OLFM4: variants seen among roughly 807,000 people sequenced by gnomAD.
OLFM4 encodes olfactomedin-4.
OLFM4 carries 22 observed loss-of-function variants against 25.5 expected under a neutral mutation model. That is an observed-to-expected ratio of 0.86 (90% confidence interval 0.62 to 1.23). The LOEUF (loss-of-function observed/expected upper bound fraction) is 1.23. OLFM4 is among the 50% of genes most tolerant of loss of function. The pLI is 0.00. For missense variants in OLFM4, 594 were observed against 619.4 expected (o/e 0.96, Z 0.44); for synonymous variants, 255 against 237.7 (o/e 1.07, Z -0.67).
rs1438527089 is a variant in OLFM4, at chr13:53,041,503, CA to C, written c.358-400del. On this transcript the variant is annotated intron_variant, in intron 2 of 4. Coordinates refer to ENST00000219022, the MANE Select transcript of OLFM4 (RefSeq NM_006418.5). ...GTGAAAGGAGGGAGAGGAACAACAA[CA>C]AAAAAATCTATTGGGTGCTAGGTTT... Among the ~76,000 whole-genome samples the C allele has an allele frequency of 6.5e-4, 99 of 152,088 alleles. 1 individual carries two copies. Among genetic ancestry groups the C allele is most frequent in the Admixed American group, 6.4e-3 (98 of 15,256 alleles).
intron 4 of OLFM4, among the ~76,000 whole-genome samples, chr13:53,047,092 C>A (rs1021020082): frequency 2.6e-5 from 4 of 152,214 alleles, no homozygotes; most frequent in African/African-American, 9.7e-5. Context: ...GTGTTCTCTT[C>A]CACCAGAAAA....
Position 53,043,122 on chromosome 13 carries a change from C to T in OLFM4, c.588C>T (p.Leu196=), listed in dbSNP as rs1421622927. ...TTCCTTAGATAAGAAATATGACTCT[C>T]TTGGTAGAGAAGCTTGAGACACTAG... The part of the protein sequence containing the change: ...QLEVEIRNMT[L]LVEKLETLDK... Residue 196 remains leucine, a synonymous_variant, in exon 4 of 5, where the codon CTC becomes CTT. Transcript: ENST00000219022. 1 of 1,604,724 alleles carries T rather than the reference C, an allele frequency of 6.2e-7. No homozygotes were observed. The highest frequency in any genetic ancestry group is 8.5e-7 in the Non-Finnish European group (1 of 1,177,040).
At chr13:53,044,970 G>A (rs1441664050) in intron 4 of OLFM4, among the ~76,000 whole-genome samples, 7 of 152,146 alleles carry the variant, frequency 4.6e-5, no homozygotes, top group African/African-American at 7.2e-5. Context: ...TTAGATGAAG[G>A]AATATTCAGG....
chr13:53,051,010 G>T lies in OLFM4; in HGVS notation c.*239G>T, dbSNP rs141948238. On this transcript the variant is annotated 3_prime_UTR_variant, in exon 5 of 5. Transcript: ENST00000219022. ...GTCTGTCTAGGGTGGGATTGTCAGA[G>T]GTCTAGGGGCACTGTGGGCCTAGTG... 4 of 450,354 alleles carry T rather than the reference G, an allele frequency of 8.9e-6. No homozygotes were observed. Among genetic ancestry groups the T allele is most frequent in the Non-Finnish European group, 1.6e-5 (4 of 258,014 alleles). 27.9% of individuals were successfully genotyped at this position (450,354 alleles called of 1,614,324 possible). A position where few individuals can be genotyped will look rare whatever the true frequency, so the allele number is the denominator to read the frequency against.
intron 4 of OLFM4, among the ~76,000 whole-genome samples, chr13:53,048,350 A>C (rs908085945): frequency 6.6e-6 from 1 of 152,136 alleles, no homozygotes; most frequent in Non-Finnish European, 1.5e-5. Flanking sequence ...AAATTATTTG[A>C]GGTTGGATAC....
At chr13:53,045,372 G>A (rs1352225323) in intron 4 of OLFM4, among the ~76,000 whole-genome samples, 1 of 152,112 alleles carries the variant, frequency 6.6e-6, no homozygotes, top group Non-Finnish European at 1.5e-5. Flanking sequence ...TCCCTGCCAA[G>A]CCACTTGGCT....
intron 1 of OLFM4, among the ~76,000 whole-genome samples, chr13:53,029,513 A>T (rs2138228805): frequency 6.6e-6 from 1 of 152,322 alleles, no homozygotes; most frequent in East Asian, 1.9e-4. Flanking sequence ...GCCTGGCAGG[A>T]TCCCGGAATG....
At chr13:53,041,433 T>C (rs57976976) in intron 2 of OLFM4, among the ~76,000 whole-genome samples, 2 of 151,948 alleles carry the variant, frequency 1.3e-5, no homozygotes, top group Non-Finnish European at 2.9e-5. Context: ...TGAGAACACA[T>C]GGACACAAAG....
intron 2 of OLFM4, among the ~76,000 whole-genome samples, chr13:53,037,633 G>A (rs1954665710): frequency 6.6e-6 from 1 of 152,106 alleles, no homozygotes; most frequent in African/African-American, 2.4e-5. Context: ...GAAACTAAGG[G>A]TTAAAGAAAT....
chr13:53,039,476 T>G (rs1159335467), intron 2 of OLFM4, among the ~76,000 whole-genome samples: 1 of 152,092 alleles, frequency 6.6e-6, no homozygotes, highest in African/African-American at 2.4e-5. Flanking sequence ...GGAAAAAAAC[T>G]AATAAAAATA....
Position 53,050,049 on chromosome 13 carries a change from T to C in OLFM4, c.811T>C (p.Tyr271His), listed in dbSNP as rs1954737609. 1.2e-6 allele frequency: 2 copies of C among 1,614,052 alleles called. No individual in the cohort carries two copies. The highest frequency in any genetic ancestry group is 1.7e-6 in the Non-Finnish European group (2 of 1,179,918). ...QLNWRGFSYL[Y>H]GAWGRDYSPQ... ...CAACTGGAGAGGGTTTTCTTATCTA[T>C]ATGGTGCTTGGGGTAGGGATTACTC... The change falls in exon 5 of 5, where the codon TAT becomes CAT. Residue 271 changes from tyrosine (Y) to histidine (H), a missense_variant. Physicochemically the swap from Tyr to His is moderately conservative, Grantham distance 83. Transcript: ENST00000219022.
intron 2 of OLFM4, among the ~76,000 whole-genome samples, chr13:53,037,057 A>C (rs774698032): frequency 2.3e-4 from 35 of 152,240 alleles, no homozygotes; most frequent in Non-Finnish European, 1.5e-4. Flanking sequence ...GAGTTATTAC[A>C]GCTGTCCCTA....
intron 1 of OLFM4, among the ~76,000 whole-genome samples, chr13:53,033,888 G>A (rs1303631280): frequency 7.0e-6 from 1 of 143,790 alleles, no homozygotes. Context: ...GTGAAACTCC[G>A]TCTCTACTGA....
chr13:53,034,606 C>T (rs146596097), intron 2 of OLFM4, 106 bp downstream of exon 2: 4 of 980,218 alleles, frequency 4.1e-6, no homozygotes, highest in East Asian at 5.3e-5. Flanking sequence ...AAAGACATCA[C>T]GTTTTTATTC....
chr13:53,042,163 T>C (rs1363780019), intron 3 of OLFM4, 41 bp downstream of exon 3: 2 of 1,550,490 alleles, frequency 1.3e-6, no homozygotes, highest in Non-Finnish European at 1.8e-6. Flanking sequence ...AATAATAAAC[T>C]CCCTTCAGTG....
At chr13:53,038,487 A>T (rs576336372) in intron 2 of OLFM4, among the ~76,000 whole-genome samples, 1 of 152,350 alleles carries the variant, frequency 6.6e-6, no homozygotes, top group Admixed American at 6.5e-5. Context: ...GACTGTACTG[A>T]ATAATGTAGG....
chr13:53,040,104 A>G (rs774097327), intron 2 of OLFM4, among the ~76,000 whole-genome samples: 1 of 152,228 alleles, frequency 6.6e-6, no homozygotes, highest in Admixed American at 6.5e-5. Context: ...TAAAAAGCAT[A>G]TAAAGCCAGC....
intron 2 of OLFM4, among the ~76,000 whole-genome samples, chr13:53,037,374 T>G (rs1306086276): frequency 6.6e-6 from 1 of 152,204 alleles, no homozygotes; most frequent in Non-Finnish European, 1.5e-5. Flanking sequence ...TAGTAGATCC[T>G]CATGCACGGG....
chr13:53,044,416 G>T (rs1236960505), intron 4 of OLFM4, among the ~76,000 whole-genome samples: 1 of 152,120 alleles, frequency 6.6e-6, no homozygotes, highest in Non-Finnish European at 1.5e-5. Flanking sequence ...TTATTTTTAT[G>T]AATTCCAATC....
Sources: allele counts gnomAD v4.1 joint callset (sites outside exome capture counted in the v4.1 genomes callset), GRCh38; gene constraint gnomAD v4.1.1; transcripts MANE v1.5; gene names NCBI Gene and HGNC (gene_info 2026-07-23, HGNC 2026-07-21).